Variants in CCSER1 observed in about 807,000 individuals in gnomAD.
The protein encoded by CCSER1 is serine-rich coiled-coil domain-containing protein 1.
In CCSER1, 41 loss-of-function variants were observed where a neutral mutation model predicts 82.0. The observed-to-expected ratio is 0.50, with a 90% CI of 0.39 to 0.65. The LOEUF (loss-of-function observed/expected upper bound fraction) is 0.65. Ranked by LOEUF, CCSER1 falls within the 30% of genes least tolerant of loss-of-function variation. CCSER1 has a pLI of 0.00. For synonymous variants in CCSER1, 414 were observed against 383.9 expected, an observed-to-expected ratio of 1.08 and a Z score of -0.92; for missense variants, 1,119 against 1,064.2, an observed-to-expected ratio of 1.05 and a Z score of -0.72.
At chr4:90,134,976 A>T (rs1275522111) in intron 1 of CCSER1, among the ~76,000 whole-genome samples, 1 of 152,246 alleles carries the variant, frequency 6.6e-6, no homozygotes, top group African/African-American at 2.4e-5. Flanking sequence ...GAATAAAACT[A>T]GATTAATAAT....
At chr4:91,434,733 C>A (rs370589385) in intron 10 of CCSER1, among the ~76,000 whole-genome samples, 57 of 152,090 alleles carry the variant, frequency 3.7e-4, no homozygotes, top group Middle Eastern at 6.8e-3. Flanking sequence ...AGAGTATTGA[C>A]CTAAATCTGA....
At chr4:90,625,874 A>G (rs1723160134) in intron 5 of CCSER1, among the ~76,000 whole-genome samples, 1 of 152,188 alleles carries the variant, frequency 6.6e-6, no homozygotes, top group South Asian at 2.1e-4. Flanking sequence ...AATGGCAAAG[A>G]TATTCAAATT....
intron 10 of CCSER1, among the ~76,000 whole-genome samples, chr4:91,442,847 A>C (rs1050105461): frequency 2.0e-5 from 3 of 152,302 alleles, no homozygotes; most frequent in African/African-American, 7.2e-5. Context: ...GAAGACATTT[A>C]TGCAGCCAAA....
At chr4:91,183,121 A>G (rs1277806811) in intron 10 of CCSER1, among the ~76,000 whole-genome samples, 1 of 152,256 alleles carries the variant, frequency 6.6e-6, no homozygotes, top group Non-Finnish European at 1.5e-5. Context: ...GGTGCATTCT[A>G]CTTCTAACTG....
At chr4:90,326,859 C>T (rs749692905) in intron 3 of CCSER1, among the ~76,000 whole-genome samples, 83 of 152,238 alleles carry the variant, frequency 5.5e-4, no homozygotes, top group Middle Eastern at 3.4e-3. Flanking sequence ...CCAGTGACCT[C>T]ATTTGTACAG....
At chr4:91,479,876 A>G (rs986048988) in intron 10 of CCSER1, among the ~76,000 whole-genome samples, 18 of 139,266 alleles carry the variant, frequency 1.3e-4, no homozygotes, top group Non-Finnish European at 2.6e-4. Context: ...ATATCTCCCA[A>G]TGCTATCCCT....
chr4:91,591,455 A>C (rs866955289), intron 10 of CCSER1, among the ~76,000 whole-genome samples: 1 of 152,018 alleles, frequency 6.6e-6, no homozygotes, highest in South Asian at 2.1e-4. Context: ...TTTTGTTTAT[A>C]ATGCCTCAGC....
In CCSER1 at chr4:90,238,390, G is replaced by A. The variant is rs528461194; in HGVS notation, c.-41-69854G>A. On this transcript the variant is annotated intron_variant, in intron 1 of 10. Transcript: ENST00000509176. ...AGAAGGTCTTAATGAAGTAAAGCTTGTGAGGTATTAGAGAGCTCAGTCTGG... is the reference window on the plus strand; with the variant it reads ...AGAAGGTCTTAATGAAGTAAAGCTTATGAGGTATTAGAGAGCTCAGTCTGG... 2.6e-5 allele frequency among the ~76,000 whole-genome samples: 4 copies of A among 152,330 alleles called. No individual in the cohort carries two copies. In the East Asian group the frequency reaches 7.7e-4, roughly 29 times the overall value.
intron 1 of CCSER1, among the ~76,000 whole-genome samples, chr4:90,305,596 A>G (rs1464221701): frequency 1.3e-5 from 2 of 152,166 alleles, no homozygotes; most frequent in Non-Finnish European, 2.9e-5. Context: ...AAGAGCTAAA[A>G]TGTCTGTTTA....
intron 10 of CCSER1, among the ~76,000 whole-genome samples, chr4:91,199,155 G>C (rs1309776932): frequency 6.6e-6 from 1 of 152,078 alleles, no homozygotes; most frequent in East Asian, 1.9e-4. Flanking sequence ...ATTAGCTCTA[G>C]CCTATATCAC....
At chr4:91,054,559 A>C (rs1465055460) in intron 9 of CCSER1, among the ~76,000 whole-genome samples, 2 of 151,944 alleles carry the variant, frequency 1.3e-5, no homozygotes, top group African/African-American at 4.8e-5. Context: ...ATTTGCATGG[A>C]ATATCTTTTC....
chr4:91,169,751 C>T lies in CCSER1; in HGVS notation c.2217+83757C>T, dbSNP rs1040605321. Among the ~76,000 whole-genome samples, 27 of 151,730 alleles carry T rather than the reference C, an allele frequency of 1.8e-4. 1 individual carries two copies. Among genetic ancestry groups the T allele is most frequent in the African/African-American group, 7.3e-5 (3 of 41,254 alleles). ...AGCTGTATATCAACAAGAAATAAAACTTTCTGGTAATTAAAAAAAAAAAAT... is the reference window on the plus strand; with the variant it reads ...AGCTGTATATCAACAAGAAATAAAATTTTCTGGTAATTAAAAAAAAAAAAT... On this transcript the variant is annotated intron_variant, in intron 10 of 10. Coordinates refer to ENST00000509176, the MANE Select transcript of CCSER1 (RefSeq NM_001145065.2).
chr4:90,196,983 T>A (rs1231876929), intron 1 of CCSER1, among the ~76,000 whole-genome samples: 1 of 151,984 alleles, frequency 6.6e-6, no homozygotes, highest in Non-Finnish European at 1.5e-5. Context: ...ATCCTACAGG[T>A]TAAGGTCTCA....
chr4:90,220,129 A>G (rs1001825585), intron 1 of CCSER1, among the ~76,000 whole-genome samples: 2 of 152,118 alleles, frequency 1.3e-5, no homozygotes, highest in African/African-American at 4.8e-5. Context: ...GTTATAAAAT[A>G]TTTTGTTTTT....
chr4:91,245,206 G>C (rs1354792620), intron 10 of CCSER1, among the ~76,000 whole-genome samples: 1 of 152,132 alleles, frequency 6.6e-6, no homozygotes, highest in African/African-American at 2.4e-5. Context: ...GGTAGAGAAA[G>C]ATATAGTGGT....
chr4:91,405,465 T>C (rs1752638375), intron 10 of CCSER1, among the ~76,000 whole-genome samples: 1 of 152,158 alleles, frequency 6.6e-6, no homozygotes, highest in South Asian at 2.1e-4. Context: ...AAATGGGATC[T>C]AATTAAACTA....
intron 1 of CCSER1, among the ~76,000 whole-genome samples, chr4:90,242,238 C>T (rs528761482): frequency 3.9e-5 from 6 of 152,280 alleles, no homozygotes; most frequent in South Asian, 2.1e-4. Context: ...GCATGGGAGA[C>T]GGAGCTTGCA....
chr4:90,347,341 C>CTATCTATG (rs1554009058), intron 3 of CCSER1, among the ~76,000 whole-genome samples: 1 of 151,898 alleles, frequency 6.6e-6, no homozygotes, highest in Non-Finnish European at 1.5e-5. Flanking sequence ...ATCTATCTAT[C>CTATCTATG]TATCTATCTA....
chr4:91,033,907 C>T (rs1741205085), intron 9 of CCSER1, among the ~76,000 whole-genome samples: 1 of 152,084 alleles, frequency 6.6e-6, no homozygotes, highest in Non-Finnish European at 1.5e-5. Flanking sequence ...AGACAATTTG[C>T]TTTTTTTGAG....
Sources: allele counts gnomAD v4.1 joint callset (sites outside exome capture counted in the v4.1 genomes callset), GRCh38; gene constraint gnomAD v4.1.1; transcripts MANE v1.5; gene names NCBI Gene and HGNC (gene_info 2026-07-23, HGNC 2026-07-21).